MARS1: variants seen among roughly 807,000 people sequenced by gnomAD.
MARS1 encodes the protein methionine--tRNA ligase, cytoplasmic.
Under a neutral mutation model 119.5 loss-of-function variants are expected in MARS1, and 80 were observed. That is an observed-to-expected ratio of 0.67 (90% CI 0.56 to 0.81). The LOEUF is 0.81. Among genes scored for constraint, MARS1 ranks in the 30% least tolerant of loss-of-function variants. The probability of loss-of-function intolerance (pLI) is 0.00; values close to 1 mark genes in which losing one functional copy is unlikely to be tolerated. For synonymous variants in MARS1, 418 were observed against 433.4 expected (o/e 0.96, Z 0.44); for missense variants, 945 against 1,116.5 (o/e 0.85, Z 2.19).
At chr12:57,508,537 C>T (rs926997350) in intron 11 of MARS1, among the ~76,000 whole-genome samples, 11 of 152,250 alleles carry the variant, frequency 7.2e-5, no homozygotes, top group African/African-American at 1.7e-4. Flanking sequence ...GGCACGCGCC[C>T]GCAATCGCAG....
chr12:57,513,593 CAA>C (rs1877626823), intron 15 of MARS1, among the ~76,000 whole-genome samples: 1 of 110,144 alleles, frequency 9.1e-6, no homozygotes, highest in Non-Finnish European at 1.8e-5. Flanking sequence ...CCAGCCTTGG[CAA>C]AAGAGGGAGA....
At chr12:57,488,583 A>G (rs1565636068) in intron 1 of MARS1, 16 of 1,549,692 alleles carry the variant, frequency 1.0e-5, no homozygotes, top group Non-Finnish European at 1.4e-5. Flanking sequence ...CTCCCCTCCT[A>G]ACACACACAC....
Position 57,515,070 on chromosome 12 carries a change from G to A in MARS1, c.2204+12G>A. The A allele has an allele frequency of 6.2e-7, 1 of 1,614,146 alleles. No homozygotes were observed. On this transcript the variant is annotated intron_variant, in intron 17 of 20. Transcript: ENST00000262027. ...AGTGAGGCTGACAGGTAGGTAAGCG[G>A]GGAGGGTTGGCTAAAGGCATAAAGT...
At chr12:57,503,113 A>G (rs112660326) in intron 10 of MARS1, among the ~76,000 whole-genome samples, 247 of 152,338 alleles carry the variant, frequency 1.6e-3, no homozygotes, top group Non-Finnish European at 3.1e-3. Flanking sequence ...AAAAAACTCG[A>G]AAGTTTTCAT....
chr12:57,493,834 TATTATAA>T (rs1876381692), intron 7 of MARS1, among the ~76,000 whole-genome samples: 1 of 982 alleles, frequency 1.0e-3, no homozygotes, highest in Non-Finnish European at 5.6e-3. Flanking sequence ...TTATATTATA[TATTATAA>T]TATATAATAT....
intron 7 of MARS1, among the ~76,000 whole-genome samples, chr12:57,493,604 T>TATATAAC (rs1476084732): frequency 7.9e-5 from 1 of 12,722 alleles, no homozygotes; most frequent in African/African-American, 3.5e-4. Flanking sequence ...TAATATATAA[T>TATATAAC]ATATAATATA....
At chr12:57,508,145 C>G (rs1166636782) in intron 11 of MARS1, among the ~76,000 whole-genome samples, 1 of 151,786 alleles carries the variant, frequency 6.6e-6, no homozygotes, top group African/African-American at 2.4e-5. Context: ...GATGGGATGG[C>G]GGCCGGGCAG....
intron 10 of MARS1, among the ~76,000 whole-genome samples, chr12:57,503,300 C>T (rs1268863830): frequency 6.7e-6 from 1 of 148,394 alleles, no homozygotes; most frequent in Non-Finnish European, 1.5e-5. Context: ...ATGGCGCGAT[C>T]TCAGCTCAGT....
At position 57,493,872 on chromosome 12, in the gene MARS1, A is replaced by ATATAATATATATATTTATAT. The variant is rs1452883678; in HGVS notation, c.770+3232_770+3233insATATATATATTTATATTATA. Among the ~76,000 whole-genome samples, 3 of 5,170 alleles carry ATATAATATATATATTTATAT rather than the reference A, an allele frequency of 5.8e-4. No individual in the cohort carries two copies. In the Non-Finnish European group the frequency reaches 0.028, roughly 48 times the overall value. The allele number at this position is 5,170 out of a possible 152,430, so 3.4% of individuals were successfully genotyped here. On this transcript the variant is annotated intron_variant, in intron 7 of 20. Coordinates refer to ENST00000262027, the MANE Select transcript of MARS1 (RefSeq NM_004990.4). ...AATATATATATTTATATTATATAAT[A>ATATAATATATATATTTATAT]TATATAATATATAATATATATTTAT...
At chr12:57,502,882 C>T (rs1013170290) in intron 10 of MARS1, among the ~76,000 whole-genome samples, 10 of 150,074 alleles carry the variant, frequency 6.7e-5, no homozygotes, top group African/African-American at 1.5e-4. Flanking sequence ...AAAAATAAGC[C>T]GGGCGCGGTG....
In MARS1 at chr12:57,511,744, G is replaced by T; in HGVS notation, c.1415G>T (p.Ser472Ile). The change falls in exon 12 of 21, where the codon AGT becomes ATT. Residue 472 changes from serine to isoleucine, a missense_variant. Physicochemically the swap from Ser to Ile is moderately radical, Grantham distance 142 (BLOSUM62 -2). Transcript: ENST00000262027. ...TGGTTGGGGAGGACATTGCCTGGCA[G>T]TGACTGGACACCCAATGCCCAGTTT... is the stretch of plus-strand genomic sequence containing the variant. ...EEWLGRTLPG[S>I]DWTPNAQFIT... is the part of the protein sequence containing the mutation. 1 of 1,614,210 alleles carries T rather than the reference G, an allele frequency of 6.2e-7. No individual in the cohort carries two copies. Among genetic ancestry groups the T allele is most frequent in the South Asian group, 1.1e-5 (1 of 91,086 alleles).
chr12:57,511,665 T>C (rs572222997), intron 11 of MARS1, 33 bp from the exon 12 acceptor site: 110 of 1,612,788 alleles, frequency 6.8e-5, no homozygotes, highest in South Asian at 8.8e-5. Flanking sequence ...TATGAGACTT[T>C]CCTAAATCAG....
intron 7 of MARS1, among the ~76,000 whole-genome samples, chr12:57,495,236 G>A (rs1244577567): frequency 2.0e-5 from 3 of 150,730 alleles, no homozygotes; most frequent in Non-Finnish European, 3.0e-5. Flanking sequence ...CCTTCCTCCC[G>A]GACGGGGCGG....
rs201259473 is a variant in MARS1, at chr12:57,498,290, G to A, written c.887+17G>A. ...CTTTGCCAGGTGGAGCCAGCTGCTCGGGGAGAGACCTCCTAAGGGAAGGGC... is the reference window on the plus strand; with the variant it reads ...CTTTGCCAGGTGGAGCCAGCTGCTCAGGGAGAGACCTCCTAAGGGAAGGGC... On this transcript the variant is annotated intron_variant, in intron 8 of 20. Transcript: ENST00000262027. 354 of 1,608,654 alleles carry A rather than the reference G, an allele frequency of 2.2e-4. 1 individual carries two copies. The highest frequency in any genetic ancestry group is 2.7e-4 in the Non-Finnish European group (312 of 1,175,168).
At chr12:57,505,143 C>G in intron 11 of MARS1, among the ~76,000 whole-genome samples, 1 of 151,696 alleles carries the variant, frequency 6.6e-6, no homozygotes, top group Non-Finnish European at 1.5e-5. Context: ...GCAACTGTGT[C>G]CAGCATTGAC....
chr12:57,512,475 A>G (rs1018275013), intron 14 of MARS1, 122 bp downstream of exon 14: 1 of 763,224 alleles, frequency 1.3e-6, no homozygotes, highest in Non-Finnish European at 2.2e-6. Flanking sequence ...ATAGGAAATA[A>G]TTAAAATGAG....
rs1206801096 is a variant in MARS1 at position 57,490,331 on chromosome 12, G to A, written c.615G>A (p.Gln205=). ...CTCTCCGGCCTTACCTCCAAAAGCA[G>A]CCCCAGCCCAGCCCCGCTGAGGGAA... ...VLALRPYLQK[Q]PQPSPAEGRA... is the part of the protein sequence containing the mutation. Residue 205 remains glutamine (Q), a synonymous_variant, in exon 6 of 21, where the codon CAG becomes CAA. Transcript: ENST00000262027. 4 of 1,612,634 alleles carry A rather than the reference G, an allele frequency of 2.5e-6. No homozygotes were observed. The African/African-American group carries it at 5.3e-5, about 22-fold the overall frequency.
At chr12:57,488,527 C>G in intron 1 of MARS1, 1 of 1,519,676 alleles carries the variant, frequency 6.6e-7, no homozygotes. Flanking sequence ...TAGTTACTAG[C>G]ATGACAGCCC....
At chr12:57,515,449 A>G (rs970970777) in intron 18 of MARS1, 113 bp downstream of exon 18, 3 of 1,030,480 alleles carry the variant, frequency 2.9e-6, no homozygotes, top group East Asian at 2.6e-5. Context: ...TGGGACTCCT[A>G]AGTTTCTGAT....
Sources: allele counts gnomAD v4.1 joint callset (sites outside exome capture counted in the v4.1 genomes callset), GRCh38; gene constraint gnomAD v4.1.1; transcripts MANE v1.5; gene names NCBI Gene and HGNC (gene_info 2026-07-23, HGNC 2026-07-21).